The following CHRFAM7A variants were observed in gnomAD, a reference collection of about 807,000 sequenced individuals.
CHRFAM7A encodes the protein CHRNA7-FAM7A fusion protein.
CHRFAM7A carries 3 observed loss-of-function variants against 29.2 expected under a neutral mutation model. The ratio of observed to expected loss-of-function variants is 0.10; its 90% confidence interval spans 0.05 to 0.27. CHRFAM7A has a LOEUF of 0.27. Ranked by LOEUF, CHRFAM7A falls within the 10% of genes least tolerant of loss-of-function variation. CHRFAM7A has a pLI of 1.00. For missense variants in CHRFAM7A, 22 were observed against 328.0 expected (o/e 0.07, Z 7.21); for synonymous variants, 7 against 135.4 (o/e 0.05, Z 6.58).
intron 9 of CHRFAM7A, among the ~76,000 whole-genome samples, chr15:30,367,203 T>C (rs2058796233): frequency 6.6e-6 from 1 of 151,058 alleles, no homozygotes; most frequent in Non-Finnish European, 1.5e-5. Context: ...GGAGAATTGC[T>C]TGAATCCAGG....
chr15:30,374,016 G>C (rs1183772951), intron 5 of CHRFAM7A, among the ~76,000 whole-genome samples: 6 of 145,486 alleles, frequency 4.1e-5, no homozygotes, highest in Non-Finnish European at 7.5e-5. Flanking sequence ...AACAAGAACA[G>C]ATAGATAGGT....
At chr15:30,378,043 G>GTAT (rs2058951223) in intron 4 of CHRFAM7A, among the ~76,000 whole-genome samples, 2 of 54,240 alleles carry the variant, frequency 3.7e-5, no homozygotes, top group South Asian at 1.6e-3. Flanking sequence ...TTTTTTAAGA[G>GTAT]TATTTCAGCA....
chr15:30,377,905 T>C (rs1458093566), intron 4 of CHRFAM7A, among the ~76,000 whole-genome samples: 2 of 133,560 alleles, frequency 1.5e-5, no homozygotes, highest in African/African-American at 5.9e-5. Context: ...TTACTATATA[T>C]GAATTATACC....
intron 3 of CHRFAM7A, 188 bp downstream of exon 3, chr15:30,383,131 T>C: frequency 5.6e-6 from 1 of 177,176 alleles, no homozygotes; most frequent in Non-Finnish European, 1.0e-5. Flanking sequence ...CTGAGAAATG[T>C]CAACAGCTGG....
chr15:30,360,597 TCTGA>T lies in CHRFAM7A; in HGVS notation c.*1692_*1695del, dbSNP rs2058737668. ...GAAAAGCACATACAATTTATTTAAC[TCTGA>T]AAATCAAATCTTCCCTCATGATGTT... On this transcript the variant is annotated 3_prime_UTR_variant, in exon 10 of 10. Coordinates refer to ENST00000299847, the MANE Select transcript of CHRFAM7A (RefSeq NM_139320.2). The T allele has an allele frequency of 2.5e-5, 1 of 39,300 alleles. No individual in the cohort carries two copies. Among genetic ancestry groups the T allele is most frequent in the Non-Finnish European group, 5.7e-5 (1 of 17,400 alleles). 2.4% of individuals were successfully genotyped at this position (39,300 alleles called of 1,614,324 possible).
At chr15:30,363,362 C>T (rs1186927467) in intron 9 of CHRFAM7A, among the ~76,000 whole-genome samples, 6 of 146,966 alleles carry the variant, frequency 4.1e-5, no homozygotes, top group African/African-American at 1.5e-4. Flanking sequence ...GATGACGTGA[C>T]CACTTTGCAA....
chr15:30,371,516 A>G (rs2058857286), intron 7 of CHRFAM7A, among the ~76,000 whole-genome samples: 1 of 149,652 alleles, frequency 6.7e-6, no homozygotes, highest in African/African-American at 2.5e-5. Flanking sequence ...GTAGCAGGAA[A>G]AAGAAAATAT....
intron 5 of CHRFAM7A, among the ~76,000 whole-genome samples, chr15:30,374,476 AC>A (rs1178578028): frequency 7.4e-6 from 1 of 135,276 alleles, no homozygotes; most frequent in African/African-American, 2.8e-5. Flanking sequence ...TCCCCCCAAA[AC>A]CCACCTTGTC....
At chr15:30,376,152 GGTGT>G (rs1218650944) in intron 5 of CHRFAM7A, among the ~76,000 whole-genome samples, 3 of 151,406 alleles carry the variant, frequency 2.0e-5, no homozygotes, top group Non-Finnish European at 4.4e-5. Flanking sequence ...GTGTGTGAGT[GGTGT>G]GTGTGAGGGG....
chr15:30,374,380 C>G (rs1168032771), intron 5 of CHRFAM7A, among the ~76,000 whole-genome samples: 1 of 89,750 alleles, frequency 1.1e-5, no homozygotes, highest in Non-Finnish European at 2.2e-5. Flanking sequence ...CCCTGAAGTT[C>G]CTTTAAGTAT....
intron 9 of CHRFAM7A, 67 bp downstream of exon 9, chr15:30,367,351 A>G: frequency 1.3e-6 from 2 of 1,551,270 alleles, no homozygotes; most frequent in Non-Finnish European, 8.8e-7. Context: ...TGATTTTAAA[A>G]ATAAACCCTA....
chr15:30,375,693 G>T (rs2058920340), intron 5 of CHRFAM7A, among the ~76,000 whole-genome samples: 1 of 147,704 alleles, frequency 6.8e-6, no homozygotes, highest in African/African-American at 2.5e-5. Flanking sequence ...GTGTGTGTGT[G>T]TTGGTGGTTT....
chr15:30,375,672 GTGTGTGTC>G (rs1342804555), intron 5 of CHRFAM7A, among the ~76,000 whole-genome samples: 6 of 148,030 alleles, frequency 4.1e-5, no homozygotes, highest in African/African-American at 1.5e-4. Context: ...TGAGGGGTGT[GTGTGTGTC>G]TGGTGTGTGT....
At chr15:30,372,462 A>AGG in intron 6 of CHRFAM7A, 121 bp from the exon 7 acceptor site, 2 of 252,366 alleles carry the variant, frequency 7.9e-6, no homozygotes, top group Non-Finnish European at 1.2e-5. Flanking sequence ...AAAAAAAAAA[A>AGG]AGGGGGGGGT....
At chr15:30,367,250 C>T (rs1235989841) in intron 9 of CHRFAM7A, among the ~76,000 whole-genome samples, 168 bp downstream of exon 9, 1 of 151,222 alleles carries the variant, frequency 6.6e-6, no homozygotes. Context: ...TACACCACTG[C>T]ACTCCAGCCT....
rs2058766591 is a variant in CHRFAM7A, at chr15:30,364,415, T to C, written c.721-1604A>G. ...ATGATCAGTAAGGAGCAGGGACATA[T>C]GGCCCCAGGTGAAACCTTGGGTGAG... On this transcript the variant is annotated intron_variant, in intron 9 of 9. Transcript: ENST00000299847. Among the ~76,000 whole-genome samples the C allele has an allele frequency of 2.0e-4, 2 of 10,202 alleles. 1 individual carries two copies. Among genetic ancestry groups the C allele is most frequent in the African/African-American group, 2.1e-4 (2 of 9,598 alleles). 6.7% of individuals were successfully genotyped at this position (10,202 alleles called of 152,430 possible).
At chr15:30,374,014 CAGAT>C (rs1273162713) in intron 5 of CHRFAM7A, among the ~76,000 whole-genome samples, 5 of 145,342 alleles carry the variant, frequency 3.4e-5, no homozygotes, top group African/African-American at 7.8e-5. Context: ...AAAACAAGAA[CAGAT>C]AGATAGGTTT....
intron 7 of CHRFAM7A, among the ~76,000 whole-genome samples, chr15:30,371,556 C>T (rs1414668583): frequency 2.1e-4 from 31 of 149,928 alleles, no homozygotes; most frequent in Admixed American, 2.0e-4. Flanking sequence ...TCAGGTCTTA[C>T]GTTTGCTACT....
intron 5 of CHRFAM7A, among the ~76,000 whole-genome samples, chr15:30,375,824 TGTGA>T (rs1276279520): frequency 1.3e-5 from 2 of 150,706 alleles, no homozygotes; most frequent in African/African-American, 2.4e-5. Context: ...GTGAGTGGTG[TGTGA>T]GTGTTGAGTC....
Sources: gnomAD v4.1 joint callset for allele counts (sites outside exome capture counted in the v4.1 genomes callset) on GRCh38, gnomAD v4.1.1 for gene constraint, MANE v1.5 for transcripts, NCBI Gene and HGNC (gene_info 2026-07-23, HGNC 2026-07-21) for gene names.